Variants in RSRP1 observed in about 807,000 individuals in gnomAD.
The protein encoded by RSRP1 is arginine and serine rich protein 1, also known as arginine/serine-rich protein 1.
Under a neutral mutation model 33.0 loss-of-function variants are expected in RSRP1, and 37 were observed. That is an observed-to-expected ratio of 1.12 (90% confidence interval 0.86 to 1.48). The LOEUF is 1.48. Among genes scored for constraint, RSRP1 ranks in the 40% most tolerant of loss-of-function variants. RSRP1 has a pLI of 0.00. For synonymous variants in RSRP1, 167 were observed against 158.7 expected (o/e 1.05, Z -0.40); for missense variants, 402 against 385.3 (o/e 1.04, Z -0.36).
upstream of RSRP1, among the ~76,000 whole-genome samples, chr1:25,249,144 C>A (rs1050282039): frequency 4.7e-4 from 71 of 152,112 alleles, no homozygotes; most frequent in African/African-American, 1.6e-3. Context: ...AGCAAAACTC[C>A]GTCTGGAAAC....
At chr1:25,298,661 C>T (rs1244191079) in intron 1 of RSRP1, among the ~76,000 whole-genome samples, 1 of 131,720 alleles carries the variant, frequency 7.6e-6, no homozygotes, top group East Asian at 1.9e-4. Flanking sequence ...TGACTGAGGG[C>T]TTTTTACCAT....
intron 1 of RSRP1, among the ~76,000 whole-genome samples, chr1:25,309,978 T>TAAAAAAACCC (rs1553146491): frequency 4.5e-5 from 6 of 132,050 alleles, no homozygotes; most frequent in African/African-American, 1.5e-4. Context: ...ACTTATTACT[T>TAAAAAAACCC]AAAAAAACCC....
intron 1 of RSRP1, chr1:25,284,733 T>C (rs1463208731): frequency 7.2e-7 from 1 of 1,388,828 alleles, no homozygotes; most frequent in Admixed American, 1.8e-5. Flanking sequence ...AGTTCCCTTC[T>C]GGGAAGGTGG....
At chr1:25,244,053 T>C in intron 3 of RSRP1, 1 of 1,169,174 alleles carries the variant, frequency 8.6e-7, no homozygotes, top group Non-Finnish European at 1.1e-6. Flanking sequence ...TTCATTTAGA[T>C]ACAGCATTTT....
In RSRP1 at chr1:25,246,679, C is replaced by T. The variant is rs767747076; in HGVS notation, c.285G>A (p.Glu95=). ...RSRSRSRRYR[E]RRYGFTRRYY... Reference sequence around the variant, plus strand: ...ATCTCCTGGTGAACCCGTAGCGCCTCTCTCGGTAACGGCGGCTGCGGGATC... The same window carrying T: ...ATCTCCTGGTGAACCCGTAGCGCCTTTCTCGGTAACGGCGGCTGCGGGATC... The change falls in exon 2 of 5, where the codon GAG becomes GAA. Residue 95 remains glutamate (E), a synonymous_variant. Transcript: ENST00000243189. The T allele has an allele frequency of 6.2e-7, 1 of 1,610,164 alleles. No homozygotes were observed. Among genetic ancestry groups the T allele is most frequent in the Non-Finnish European group, 8.5e-7 (1 of 1,176,812 alleles).
chr1:25,330,599 A>C lies in RSRP1; in HGVS notation c.-67+7379T>G, dbSNP rs1440599717. 2.3e-5 allele frequency among the ~76,000 whole-genome samples: 3 copies of C among 130,948 alleles called. 1 individual carries two copies. The highest frequency in any genetic ancestry group is 3.6e-5 in the Non-Finnish European group (2 of 55,416). The allele number at this position is 130,948 out of a possible 152,430, so 85.9% of individuals were successfully genotyped here. A position where few individuals can be genotyped will look rare whatever the true frequency, so the allele number is the denominator to read the frequency against. On this transcript the variant is annotated intron_variant, in intron 1 of 1. Transcript: ENST00000561867. ...TAATTTTACAGATTTTTTTTTTCCT[A>C]CACAGCACATAAAACAGAAGGAATT...
rs1192058305 is a variant in RSRP1, at chr1:25,315,418, G to A, written c.-67+22560C>T. Among the ~76,000 whole-genome samples, 3 of 129,340 alleles carry A rather than the reference G, an allele frequency of 2.3e-5. 1 individual carries two copies. Among genetic ancestry groups the A allele is most frequent in the Non-Finnish European group, 5.4e-5 (3 of 55,068 alleles). 84.9% of individuals were successfully genotyped at this position (129,340 alleles called of 152,430 possible). A position where few individuals can be genotyped will look rare whatever the true frequency, so the allele number is the denominator to read the frequency against. On this transcript the variant is annotated intron_variant, in intron 1 of 1. Coordinates refer to the RSRP1 transcript ENST00000561867. ...GGCTGCCTGAATGGTTGGGCAGGTAGTTGTTGACATCTGCACTCCCTACAT... is the reference window on the plus strand; with the variant it reads ...GGCTGCCTGAATGGTTGGGCAGGTAATTGTTGACATCTGCACTCCCTACAT...
intron 1 of RSRP1, 89 bp from the exon 2 acceptor site, chr1:25,247,118 C>T (rs1639514250): frequency 2.4e-6 from 2 of 821,478 alleles, no homozygotes; most frequent in East Asian, 3.0e-5. Flanking sequence ...CTCCGGGAGG[C>T]GGAGCCACGG....
At chr1:25,293,397 T>C (rs636443) in intron 1 of RSRP1, among the ~76,000 whole-genome samples, 4 of 130,650 alleles carry the variant, frequency 3.1e-5, no homozygotes, top group African/African-American at 1.0e-4. Flanking sequence ...ATTATTTTCA[T>C]AGAATACATT....
intron 1 of RSRP1, among the ~76,000 whole-genome samples, chr1:25,296,243 C>CTTT (rs894411494): frequency 1.7e-5 from 2 of 115,386 alleles, no homozygotes; most frequent in Admixed American, 8.4e-5. Flanking sequence ...GTGTACATTT[C>CTTT]TTTTTTTTTT....
At chr1:25,248,423 A>C (rs1639646936), upstream of RSRP1, 1 of 136,932 alleles carries the variant, frequency 7.3e-6, no homozygotes, top group Non-Finnish European at 1.5e-5. Flanking sequence ...ATCACGGCTC[A>C]CTGCAGCCCA....
rs1344194143 is a variant in RSRP1 at position 25,278,333 on chromosome 1, A to G, written c.-66-31304T>C. The stretch of plus-strand genomic sequence containing the variant: ...TATGTTCATTCTGGGCTTGGAGTTA[A>G]GGGGCCTATGATATGCTTAGGGGAA... On this transcript the variant is annotated intron_variant, in intron 1 of 1. Coordinates refer to the RSRP1 transcript ENST00000561867. 1.5e-5 allele frequency among the ~76,000 whole-genome samples: 2 copies of G among 130,304 alleles called. 1 individual carries two copies. The highest frequency in any genetic ancestry group is 3.6e-5 in the Non-Finnish European group (2 of 55,024). The allele number at this position is 130,304 out of a possible 152,430, so 85.5% of individuals were successfully genotyped here.
At chr1:25,261,327 A>G (rs1414039822) in intron 1 of RSRP1, among the ~76,000 whole-genome samples, 1 of 152,164 alleles carries the variant, frequency 6.6e-6, no homozygotes, top group Non-Finnish European at 1.5e-5. Context: ...CCTTATGCAT[A>G]AATGTCCTCA....
In RSRP1 at chr1:25,276,865, G is replaced by A. The variant is rs1485222516; in HGVS notation, c.-66-29836C>T. Among the ~76,000 whole-genome samples the A allele has an allele frequency of 1.5e-5, 2 of 132,222 alleles. 1 individual carries two copies. The highest frequency in any genetic ancestry group is 1.5e-4 in the Admixed American group (2 of 13,608). 86.7% of individuals were successfully genotyped at this position (132,222 alleles called of 152,430 possible). ...GCAGATCACGAGGTCTGGAGATGGA[G>A]ACCATCCTGGCTAACACGATGAAAC... is the stretch of plus-strand genomic sequence containing the variant. On this transcript the variant is annotated intron_variant, in intron 1 of 1. Transcript: ENST00000561867.
chr1:25,330,011 C>T (rs1191432716), intron 1 of RSRP1: 1 of 132,278 alleles, frequency 7.6e-6, no homozygotes, highest in African/African-American at 2.6e-5. Context: ...GCTTTGTGAA[C>T]GTGGCAGTGC....
chr1:25,254,062 A>G (rs1414049431), intron 1 of RSRP1: 3 of 152,236 alleles, frequency 2.0e-5, no homozygotes. Flanking sequence ...TCATAGCTAC[A>G]GTCACCAGTA....
rs550064038 is a variant in RSRP1, at chr1:25,277,363, T to A, written c.-66-30334A>T. Among the ~76,000 whole-genome samples, 29 of 131,746 alleles carry A rather than the reference T, an allele frequency of 2.2e-4. 2 individuals carry two copies. In the South Asian group the frequency reaches 5.6e-3, roughly 25 times the overall value. 86.4% of individuals were successfully genotyped at this position (131,746 alleles called of 152,430 possible). On this transcript the variant is annotated intron_variant, in intron 1 of 1. Coordinates refer to the RSRP1 transcript ENST00000561867. ...GGTCCCCAGACCTGCTGCCTCAGCATCTCCTGGAAATTTAGTAGAAATGCA... is the reference window on the plus strand; with the variant it reads ...GGTCCCCAGACCTGCTGCCTCAGCAACTCCTGGAAATTTAGTAGAAATGCA...
At chr1:25,320,302 C>T (rs189082768) in intron 1 of RSRP1, among the ~76,000 whole-genome samples, 20 of 131,830 alleles carry the variant, frequency 1.5e-4, no homozygotes, top group African/African-American at 5.2e-4. Context: ...TTATATGGCA[C>T]GTTATAAGTG....
At chr1:25,259,564 G>A (rs184650889) in intron 1 of RSRP1, among the ~76,000 whole-genome samples, 10 of 151,136 alleles carry the variant, frequency 6.6e-5, no homozygotes, top group Non-Finnish European at 1.0e-4. Context: ...GTGCAGTGCC[G>A]CAATCTCAGC....
Sources: gnomAD v4.1 joint callset for allele counts (sites outside exome capture counted in the v4.1 genomes callset) on GRCh38, gnomAD v4.1.1 for gene constraint, MANE v1.5 for transcripts, NCBI Gene and HGNC (gene_info 2026-07-23, HGNC 2026-07-21) for gene names.